CPVL: variants seen among roughly 807,000 people sequenced by gnomAD.
CPVL encodes carboxypeptidase vitellogenic like, also known as probable serine carboxypeptidase CPVL.
In CPVL, 51 loss-of-function variants were observed where a neutral mutation model predicts 63.7. That is an observed-to-expected ratio of 0.80 (90% confidence interval 0.64 to 1.01). The LOEUF (loss-of-function observed/expected upper bound fraction) is 1.01. Ranked by LOEUF, CPVL falls within the 50% of genes least tolerant of loss-of-function variation. The probability of loss-of-function intolerance (pLI) is 0.00; values close to 1 mark genes in which losing one functional copy is unlikely to be tolerated. For missense variants in CPVL, 530 were observed against 573.1 expected, an observed-to-expected ratio of 0.92 and a Z score of 0.77; for synonymous variants, 195 against 206.0, an observed-to-expected ratio of 0.95 and a Z score of 0.46.
intron 1 of CPVL, among the ~76,000 whole-genome samples, chr7:29,121,455 T>G (rs1403300304): frequency 1.3e-5 from 2 of 152,120 alleles, no homozygotes; most frequent in African/African-American, 2.4e-5. Flanking sequence ...AGTGAACCAC[T>G]GACATTTTTT....
chr7:29,066,071 G>A lies in CPVL; in HGVS notation c.915C>T (p.Phe305=). ...AATTACTACATCCTGTAACATTCTG[G>A]AAGTAAGAAGGATCACTTGTTAAGT... ...DGDLTSDPSY[F]QNVTGCSNYY... The change falls in exon 10 of 13, where the codon TTC becomes TTT. Residue 305 remains phenylalanine (F), a synonymous_variant. Transcript: ENST00000265394. The A allele has an allele frequency of 1.2e-6, 2 of 1,608,654 alleles. No homozygotes were observed. Among genetic ancestry groups the A allele is most frequent in the Admixed American group, 1.7e-5 (1 of 59,526 alleles).
Position 29,181,607 on chromosome 7 carries a change from T to C in CPVL, c.-133-195A>G, listed in dbSNP as rs573530737. Among the ~76,000 whole-genome samples the C allele has an allele frequency of 9.8e-5, 15 of 152,322 alleles. No individual in the cohort carries two copies. In the South Asian group the frequency reaches 1.7e-3, roughly 17 times the overall value. ...AGTCACATTAGGAATCTATAAGACA[T>C]AGGAAATAATTGTACAAGTTCATTC... On this transcript the variant is annotated intron_variant, in intron 4 of 16. Coordinates refer to the CPVL transcript ENST00000409850.
chr7:29,194,363 T>C (rs1284391172), intron 1 of CPVL: 1 of 151,294 alleles, frequency 6.6e-6, no homozygotes, highest in Non-Finnish European at 1.5e-5. Context: ...TGGCGGGAGC[T>C]GTCAAGCCCG....
intron 6 of CPVL, among the ~76,000 whole-genome samples, chr7:29,087,991 C>T (rs750035293): frequency 6.6e-6 from 1 of 152,156 alleles, no homozygotes; most frequent in Non-Finnish European, 1.5e-5. Context: ...ATTCATTCTC[C>T]ACCCTTCCCT....
intron 1 of CPVL, among the ~76,000 whole-genome samples, chr7:29,187,333 GTGTT>G (rs1219434406): frequency 6.6e-6 from 1 of 150,818 alleles, no homozygotes; most frequent in African/African-American, 2.4e-5. Context: ...AGTGGTGTGT[GTGTT>G]TGTGTGTCTG....
At position 29,190,629 on chromosome 7, in the gene CPVL, C is replaced by G. The variant is rs562833646; in HGVS notation, c.-447-4082G>C. 3.3e-5 allele frequency among the ~76,000 whole-genome samples: 5 copies of G among 152,324 alleles called. No individual in the cohort carries two copies. In the South Asian group the frequency reaches 8.3e-4, roughly 25 times the overall value. On this transcript the variant is annotated intron_variant, in intron 1 of 16. Transcript: ENST00000409850. Reference sequence around the variant, plus strand: ...TGGGGATTGCAAATATTTACTCCATCAAGATTTTATTCTTATGTTTCACCG... The same window carrying G: ...TGGGGATTGCAAATATTTACTCCATGAAGATTTTATTCTTATGTTTCACCG...
At chr7:29,193,442 A>C (rs1368690017) in intron 1 of CPVL, 1 of 152,186 alleles carries the variant, frequency 6.6e-6, no homozygotes, top group Non-Finnish European at 1.5e-5. Context: ...ATGTTTTAAA[A>C]AGTTGAACTA....
chr7:29,139,969 A>G (rs1224463900), intron 1 of CPVL, among the ~76,000 whole-genome samples: 4 of 152,244 alleles, frequency 2.6e-5, no homozygotes, highest in African/African-American at 9.6e-5. Context: ...TGTCAAATAC[A>G]GGGAGATATT....
At chr7:29,134,793 A>T (rs757580694) in intron 1 of CPVL, among the ~76,000 whole-genome samples, 2 of 152,190 alleles carry the variant, frequency 1.3e-5, no homozygotes, top group African/African-American at 2.4e-5. Flanking sequence ...TGGGAGTTCC[A>T]GAAAAAGATG....
intron 1 of CPVL, among the ~76,000 whole-genome samples, chr7:29,140,478 T>G (rs1037277564): frequency 6.6e-6 from 1 of 152,172 alleles, no homozygotes; most frequent in Non-Finnish European, 1.5e-5. Context: ...AAGAGAGACA[T>G]GCATGAAAAC....
At chr7:29,141,264 CCCTCAGA>C (rs1791842316) in intron 1 of CPVL, among the ~76,000 whole-genome samples, 1 of 152,192 alleles carries the variant, frequency 6.6e-6, no homozygotes, top group Non-Finnish European at 1.5e-5. Flanking sequence ...TTAAAGTATG[CCCTCAGA>C]CCGGGCACGG....
At chr7:29,181,369 C>A (rs2128742801) in exon 5 of CPVL, 1 of 152,306 alleles carries the variant, frequency 6.6e-6, no homozygotes, top group East Asian at 1.9e-4. Flanking sequence ...GGTTGTGCAG[C>A]TGGTGCCCAT....
chr7:29,148,241 A>G (rs1395462260), upstream of CPVL, among the ~76,000 whole-genome samples: 1 of 152,222 alleles, frequency 6.6e-6, no homozygotes, highest in African/African-American at 2.4e-5. Flanking sequence ...TCTAAGTATA[A>G]GGACAACTAC....
intron 5 of CPVL, among the ~76,000 whole-genome samples, chr7:29,172,377 A>T (rs966189596): frequency 6.6e-6 from 1 of 152,186 alleles, no homozygotes; most frequent in East Asian, 1.9e-4. Context: ...ACCCTTGGTT[A>T]TGATAGCATC....
At chr7:29,177,332 C>G (rs1182974302) in intron 5 of CPVL, among the ~76,000 whole-genome samples, 1 of 151,984 alleles carries the variant, frequency 6.6e-6, no homozygotes, top group African/African-American at 2.4e-5. Flanking sequence ...CTGCTCACTG[C>G]AACCTCTGCC....
At chr7:28,999,461 C>T (rs1237484164) in intron 12 of CPVL, among the ~76,000 whole-genome samples, 3 of 152,188 alleles carry the variant, frequency 2.0e-5, no homozygotes, top group Non-Finnish European at 4.4e-5. Flanking sequence ...TCTCTGTTTA[C>T]ATCAAGGTAA....
intron 1 of CPVL, among the ~76,000 whole-genome samples, chr7:29,143,954 C>A (rs974820350): frequency 6.6e-6 from 1 of 152,208 alleles, no homozygotes; most frequent in Non-Finnish European, 1.5e-5. Flanking sequence ...TACGCTGTAA[C>A]AGCTGTCTTG....
intron 12 of CPVL, among the ~76,000 whole-genome samples, chr7:29,022,776 T>C (rs1262784270): frequency 6.6e-6 from 1 of 152,238 alleles, no homozygotes; most frequent in Admixed American, 6.5e-5. Flanking sequence ...CCAGTGCCTG[T>C]GGGCATTGTC....
At chr7:29,019,485 C>T (rs1046114854) in intron 12 of CPVL, among the ~76,000 whole-genome samples, 3 of 152,152 alleles carry the variant, frequency 2.0e-5, no homozygotes, top group Admixed American at 6.5e-5. Context: ...CTCTCGGTAC[C>T]GTACTGCTCC....
Sources: gnomAD v4.1 joint callset for allele counts (sites outside exome capture counted in the v4.1 genomes callset) on GRCh38, gnomAD v4.1.1 for gene constraint, MANE v1.5 for transcripts, NCBI Gene and HGNC (gene_info 2026-07-23, HGNC 2026-07-21) for gene names.